DACH2: variants seen among roughly 807,000 people sequenced by gnomAD.
DACH2 encodes the protein dachshund family transcription factor 2.
A neutral mutation model predicts 35.8 loss-of-function variants in DACH2; 17 were observed. The observed-to-expected ratio is 0.48, with a 90% CI of 0.33 to 0.71. The LOEUF (loss-of-function observed/expected upper bound fraction) is 0.71. Ranked by LOEUF, DACH2 falls within the 30% of genes least tolerant of loss-of-function variation. The pLI is 0.02. For missense variants in DACH2, 469 were observed against 472.7 expected, an observed-to-expected ratio of 0.99 and a Z score of 0.07; for synonymous variants, 195 against 177.3, an observed-to-expected ratio of 1.10 and a Z score of -0.79.
chrX:86,483,772 C>T (rs2037978930), intron 2 of DACH2, among the ~76,000 whole-genome samples: 1 of 110,809 alleles, frequency 9.0e-6, no homozygotes, highest in Non-Finnish European at 1.9e-5. Flanking sequence ...GCGGAGGCTT[C>T]AGTGAGCCGT....
chrX:86,542,951 G>T (rs1229585507), intron 3 of DACH2, among the ~76,000 whole-genome samples: 2 of 112,258 alleles, frequency 1.8e-5, no homozygotes, highest in African/African-American at 6.5e-5. Flanking sequence ...TCCATCTGAT[G>T]TTCACCCGAC....
intron 7 of DACH2, chrX:86,799,030 G>T: frequency 3.7e-6 from 1 of 267,535 alleles, no homozygotes; most frequent in Non-Finnish European, 7.1e-6. Context: ...AGAATTTGCA[G>T]ATTTTATAGC....
intron 4 of DACH2, among the ~76,000 whole-genome samples, chrX:86,654,196 A>AC (rs1305431119): frequency 4.9e-5 from 5 of 102,798 alleles, no homozygotes; most frequent in African/African-American, 1.5e-4. Flanking sequence ...GTAAAAAAAA[A>AC]AAAAAAAAAA....
chrX:86,471,627 A>G (rs902612244), intron 2 of DACH2, among the ~76,000 whole-genome samples: 7 of 111,444 alleles, frequency 6.3e-5, no homozygotes, highest in African/African-American at 2.0e-4. Context: ...TTTTCCTGAA[A>G]TAGAGAAGAA....
chrX:86,278,560 G>A (rs1326601501), intron 1 of DACH2, among the ~76,000 whole-genome samples: 1 of 112,493 alleles, frequency 8.9e-6, no homozygotes, highest in East Asian at 2.8e-4. Context: ...AGATGTGTTT[G>A]AGCCTAGCTA....
rs778279013 is a variant in DACH2 at position 86,593,653 on chromosome X, C to G, written c.641-57383C>G. Among the ~76,000 whole-genome samples, 3 of 109,910 alleles carry G rather than the reference C, an allele frequency of 2.7e-5. No individual in the cohort carries two copies. The East Asian group carries it at 8.6e-4, about 32-fold the overall frequency. ...TGTTGACCAGGCTGATCTCGAACTC[C>G]TGACCTCAAGTCATCTGCCCGCCTC... is the stretch of plus-strand genomic sequence containing the variant. On this transcript the variant is annotated intron_variant, in intron 3 of 11. Coordinates refer to ENST00000373125, the MANE Select transcript of DACH2 (RefSeq NM_053281.3).
At chrX:86,741,161 A>G (rs758502555) in intron 7 of DACH2, among the ~76,000 whole-genome samples, 3 of 111,867 alleles carry the variant, frequency 2.7e-5, no homozygotes, top group Non-Finnish European at 5.6e-5. Flanking sequence ...CCTTTCCAAA[A>G]TAATGTATTT....
intron 2 of DACH2, among the ~76,000 whole-genome samples, chrX:86,466,471 C>T (rs919363804): frequency 4.5e-5 from 5 of 110,525 alleles, no homozygotes; most frequent in East Asian, 2.9e-4. Context: ...CTGGCCCCTC[C>T]GAATCTCAGG....
chrX:86,375,941 A>G (rs1287509917), intron 1 of DACH2, among the ~76,000 whole-genome samples: 1 of 110,714 alleles, frequency 9.0e-6, no homozygotes, highest in Non-Finnish European at 1.9e-5. Flanking sequence ...GGTTAAAAGA[A>G]CCACATTATA....
At chrX:86,525,379 CTT>C (rs2038616444) in intron 3 of DACH2, among the ~76,000 whole-genome samples, 1 of 111,443 alleles carries the variant, frequency 9.0e-6, no homozygotes, top group African/African-American at 3.3e-5. Flanking sequence ...CTTTAATTTT[CTT>C]TTTTGCTCCT....
chrX:86,493,497 C>A (rs1436003654), intron 2 of DACH2, among the ~76,000 whole-genome samples: 1 of 111,679 alleles, frequency 9.0e-6, no homozygotes, highest in Non-Finnish European at 1.9e-5. Context: ...TTAATAACTG[C>A]CAAATTATTA....
intron 1 of DACH2, among the ~76,000 whole-genome samples, chrX:86,333,377 G>T (rs1001365368): frequency 5.4e-5 from 6 of 111,752 alleles, no homozygotes; most frequent in Non-Finnish European, 1.1e-4. Context: ...TGCAAGAGAG[G>T]CTTGCTCCCT....
At chrX:86,418,881 C>T (rs991580831) in intron 2 of DACH2, among the ~76,000 whole-genome samples, 7 of 111,970 alleles carry the variant, frequency 6.3e-5, no homozygotes, top group Non-Finnish European at 1.1e-4. Flanking sequence ...TCATTAACAG[C>T]GCCCAAGTCA....
intron 5 of DACH2, among the ~76,000 whole-genome samples, chrX:86,699,654 A>G (rs980657886): frequency 5.4e-5 from 6 of 111,263 alleles, no homozygotes; most frequent in Admixed American, 4.8e-4. Flanking sequence ...GAGCCAAACC[A>G]TATCAGCCCA....
intron 3 of DACH2, among the ~76,000 whole-genome samples, chrX:86,541,674 AG>A (rs1201717887): frequency 1.8e-5 from 2 of 111,721 alleles, no homozygotes; most frequent in African/African-American, 6.5e-5. Context: ...TATATTTAGG[AG>A]GAAAAAAGTA....
At position 86,514,362 on chromosome X, in the gene DACH2, T is replaced by C; in HGVS notation, c.611T>C (p.Leu204Pro). 8.3e-7 allele frequency: 1 copy of C among 1,210,762 alleles called. No individual in the cohort carries two copies. Among genetic ancestry groups the C allele is most frequent in the Non-Finnish European group, 1.1e-6 (1 of 895,126 alleles). The stretch of plus-strand genomic sequence containing the variant: ...CTTCTGACCCATGCAGTCCCAGGCC[T>C]CTTATCGCCAGGACTTATCACTCCG... Reference protein sequence around the residue: ...ARLLTHAVPGLLSPGLITPTG... With the variant: ...ARLLTHAVPGPLSPGLITPTG... The change falls in exon 3 of 12, where the codon CTC becomes CCC. Residue 204 changes from leucine (L) to proline (P), a missense_variant. Physicochemically the swap from Leu to Pro is moderately conservative, Grantham distance 98 (BLOSUM62 -3). Around this residue, in one of 3 missense-constraint regions of DACH2, gnomAD observed 363 missense variants for 334.4 expected, o/e 1.09. Coordinates refer to ENST00000373125, the MANE Select transcript of DACH2 (RefSeq NM_053281.3).
At position 86,693,404 on chromosome X, in the gene DACH2, C is replaced by T. The variant is rs965173611; in HGVS notation, c.773-1617C>T. Among the ~76,000 whole-genome samples the T allele has an allele frequency of 4.5e-5, 5 of 111,560 alleles. 1 individual carries two copies. The highest frequency in any genetic ancestry group is 1.9e-5 in the Non-Finnish European group (1 of 53,111). ...CCAGTGTTTCCTTATCTCAGCTCAT[C>T]TAGTTGGAAGCTAGTCAAGACTCTC... is the stretch of plus-strand genomic sequence containing the variant. On this transcript the variant is annotated intron_variant, in intron 4 of 11. Transcript: ENST00000373125.
At chrX:86,587,901 T>G (rs775522932) in intron 3 of DACH2, among the ~76,000 whole-genome samples, 1 of 112,153 alleles carries the variant, frequency 8.9e-6, no homozygotes, top group South Asian at 3.6e-4. Flanking sequence ...TTTTTGTTTT[T>G]CTTGAAATTG....
At chrX:86,574,762 C>A (rs767365069) in intron 3 of DACH2, among the ~76,000 whole-genome samples, 1 of 111,486 alleles carries the variant, frequency 9.0e-6, no homozygotes, top group Non-Finnish European at 1.9e-5. Context: ...TATGCTGCAG[C>A]AATGTTTCAG....
Sources: allele counts gnomAD v4.1 joint callset (sites outside exome capture counted in the v4.1 genomes callset), GRCh38; gene constraint gnomAD v4.1.1; regional missense constraint gnomAD v4.1.1; transcripts MANE v1.5; gene names NCBI Gene and HGNC (gene_info 2026-07-23, HGNC 2026-07-21).